TRAK1: variants seen among roughly 807,000 people sequenced by gnomAD.
TRAK1 encodes the protein trafficking kinesin-binding protein 1.
A neutral mutation model predicts 92.1 loss-of-function variants in TRAK1; 33 were observed. That is an observed-to-expected ratio of 0.36 (90% confidence interval 0.27 to 0.48). The LOEUF is 0.48. TRAK1 is among the 20% of genes least tolerant of loss of function. The probability of loss-of-function intolerance (pLI) is 0.99; values close to 1 mark genes in which losing one functional copy is unlikely to be tolerated. For synonymous variants in TRAK1, 521 were observed against 517.3 expected, an observed-to-expected ratio of 1.01 and a Z score of -0.10; for missense variants, 1,123 against 1,257.9, an observed-to-expected ratio of 0.89 and a Z score of 1.62.
intron 7 of TRAK1, among the ~76,000 whole-genome samples, 191 bp from the exon 8 acceptor site, chr3:42,192,884 C>T (rs944901277): frequency 2.0e-5 from 3 of 152,154 alleles, no homozygotes; most frequent in African/African-American, 7.2e-5. Flanking sequence ...CTGATTGAGC[C>T]CTGAAGAAGC....
rs114159123 is a variant in TRAK1 at position 42,160,528 on chromosome 3, G to T, written c.287-16286G>T. On this transcript the variant is annotated intron_variant, in intron 2 of 15. Transcript: ENST00000327628. ...CCTTTCCTTGTTAGTATCTAAATAGGCTTGAATGTTTTGCTGATTTCATAG... is the reference window on the plus strand; with the variant it reads ...CCTTTCCTTGTTAGTATCTAAATAGTCTTGAATGTTTTGCTGATTTCATAG... The T allele has an allele frequency of 1.0e-3, 1,589 of 1,553,798 alleles. 18 individuals carry two copies. In the African/African-American group the frequency reaches 0.02, roughly 20 times the overall value.
chr3:42,168,297 A>C (rs1350833999), intron 2 of TRAK1, among the ~76,000 whole-genome samples: 1 of 152,256 alleles, frequency 6.6e-6, no homozygotes, highest in Non-Finnish European at 1.5e-5. Context: ...AAGGAAGTCC[A>C]AGTCAAGGGT....
At chr3:42,221,387 G>A (rs954273144) in intron 15 of TRAK1, among the ~76,000 whole-genome samples, 3 of 152,128 alleles carry the variant, frequency 2.0e-5, no homozygotes, top group Non-Finnish European at 4.4e-5. Flanking sequence ...CCTGTTCTGG[G>A]ATCCCCACCC....
At chr3:42,050,252 T>C (rs7636449) in intron 1 of TRAK1, among the ~76,000 whole-genome samples, 51,585 of 151,934 alleles carry the variant, frequency 0.34, 12,627 homozygotes, top group African/African-American at 0.7. Flanking sequence ...TCAATCCTAC[T>C]TTCATTTGTG....
intron 1 of TRAK1, among the ~76,000 whole-genome samples, chr3:42,096,238 A>G (rs954639772): frequency 6.6e-6 from 1 of 152,206 alleles, no homozygotes; most frequent in Non-Finnish European, 1.5e-5. Context: ...TCTTAAAAAC[A>G]TAATTTTATT....
intron 1 of TRAK1, among the ~76,000 whole-genome samples, chr3:42,099,243 C>T (rs990519192): frequency 3.3e-5 from 5 of 151,964 alleles, no homozygotes; most frequent in African/African-American, 4.8e-5. Context: ...CCAACCTCTA[C>T]CGGGGCGGAG....
intron 1 of TRAK1, among the ~76,000 whole-genome samples, chr3:42,066,233 C>T (rs1412502558): frequency 3.3e-5 from 5 of 152,170 alleles, no homozygotes; most frequent in Admixed American, 6.5e-5. Flanking sequence ...GGCTGAGGCA[C>T]GAGAATCTCT....
At chr3:42,149,005 A>G (rs1363253883) in intron 2 of TRAK1, among the ~76,000 whole-genome samples, 1 of 151,950 alleles carries the variant, frequency 6.6e-6, no homozygotes, top group African/African-American at 2.4e-5. Context: ...CCTTGCCTGT[A>G]CCCTTTCTTT....
intron 2 of TRAK1, among the ~76,000 whole-genome samples, chr3:42,171,042 C>T (rs1481743147): frequency 6.6e-6 from 1 of 151,900 alleles, no homozygotes; most frequent in Non-Finnish European, 1.5e-5. Flanking sequence ...GTCTTGATCT[C>T]CTGACCTCAT....
At chr3:42,203,930 G>T in intron 13 of TRAK1, 10 of 985,630 alleles carry the variant, frequency 1.0e-5, no homozygotes, top group Non-Finnish European at 1.1e-5. Flanking sequence ...TATTGCCCCT[G>T]TGAGACTGCA....
chr3:42,193,284 G>C, intron 8 of TRAK1, 79 bp downstream of exon 8: 1 of 1,563,022 alleles, frequency 6.4e-7, no homozygotes, highest in Non-Finnish European at 8.7e-7. Context: ...CCAGAAGACA[G>C]TGCTCTTTAG....
chr3:42,098,542 A>C (rs1355664725), intron 1 of TRAK1, among the ~76,000 whole-genome samples: 1 of 152,198 alleles, frequency 6.6e-6, no homozygotes, highest in Non-Finnish European at 1.5e-5. Context: ...AGTTCTGTGG[A>C]GGGAACCTGA....
At chr3:42,213,475 C>T (rs1709322093) in intron 14 of TRAK1, among the ~76,000 whole-genome samples, 1 of 152,270 alleles carries the variant, frequency 6.6e-6, no homozygotes, top group African/African-American at 2.4e-5. Context: ...CAGGAATCAG[C>T]TTCTTTCGTT....
chr3:42,090,009 G>C (rs1995136), upstream of TRAK1, among the ~76,000 whole-genome samples: 76,301 of 152,002 alleles, frequency 0.5, 20,402 homozygotes, highest in South Asian at 0.68. Context: ...AAACTCCTGA[G>C]TGGCAGGAGT....
intron 2 of TRAK1, among the ~76,000 whole-genome samples, chr3:42,168,864 C>T (rs560554763): frequency 6.6e-6 from 1 of 152,318 alleles, no homozygotes; most frequent in East Asian, 1.9e-4. Context: ...CACTCTGTCA[C>T]CCAGGCTGGA....
intron 1 of TRAK1, among the ~76,000 whole-genome samples, chr3:42,097,468 T>A (rs1706106135): frequency 6.6e-6 from 1 of 152,152 alleles, no homozygotes; most frequent in South Asian, 2.1e-4. Context: ...CTTTGCCAGC[T>A]GAGGTGTATA....
intron 4 of TRAK1, among the ~76,000 whole-genome samples, chr3:42,187,186 G>A (rs1705011195): frequency 6.6e-6 from 1 of 152,108 alleles, no homozygotes; most frequent in Non-Finnish European, 1.5e-5. Flanking sequence ...AGCACGGAAC[G>A]AGGTCTGGCT....
chr3:42,090,918 C>T (rs1704997806), upstream of TRAK1, among the ~76,000 whole-genome samples: 1 of 152,100 alleles, frequency 6.6e-6, no homozygotes. Flanking sequence ...AGAACATGCT[C>T]GGATTAAAGT....
chr3:42,074,850 C>T (rs982491143), intron 1 of TRAK1, among the ~76,000 whole-genome samples: 5 of 152,236 alleles, frequency 3.3e-5, no homozygotes, highest in Admixed American at 6.5e-5. Context: ...CCTCCTCCTA[C>T]GCTCCACCTT....
Sources: allele counts gnomAD v4.1 joint callset (sites outside exome capture counted in the v4.1 genomes callset), GRCh38; gene constraint gnomAD v4.1.1; transcripts MANE v1.5; gene names NCBI Gene and HGNC (gene_info 2026-07-23, HGNC 2026-07-21).